The following POLA1 variants were observed in gnomAD, a reference collection of about 807,000 sequenced individuals.
POLA1 encodes the protein DNA polymerase alpha 1, catalytic subunit.
POLA1 carries 15 observed loss-of-function variants against 124.0 expected under a neutral mutation model. That is an observed-to-expected ratio of 0.12 (90% CI 0.08 to 0.19). The LOEUF (loss-of-function observed/expected upper bound fraction) is 0.19. Ranked by LOEUF, POLA1 falls within the 10% of genes least tolerant of loss-of-function variation. POLA1 has a pLI of 1.00. For missense variants in POLA1, 886 were observed against 1,103.4 expected (o/e 0.80, Z 2.79); for synonymous variants, 408 against 389.4 (o/e 1.05, Z -0.56).
At chrX:24,959,336 C>T (rs1057105933) in intron 36 of POLA1, among the ~76,000 whole-genome samples, 1 of 110,303 alleles carries the variant, frequency 9.1e-6, no homozygotes, top group African/African-American at 3.3e-5. Context: ...TGGTGGTACA[C>T]GCCTGTAATC....
At chrX:24,757,882 A>G (rs1358568068) in intron 26 of POLA1, among the ~76,000 whole-genome samples, 2 of 111,837 alleles carry the variant, frequency 1.8e-5, no homozygotes, top group East Asian at 2.8e-4. Flanking sequence ...TCTGGTTCCA[A>G]GCATTTCGGA....
chrX:24,729,961 C>T (rs979321990), intron 15 of POLA1, among the ~76,000 whole-genome samples: 2 of 110,103 alleles, frequency 1.8e-5, no homozygotes, highest in Non-Finnish European at 3.8e-5. Flanking sequence ...CGGGCCACTA[C>T]ACATGGTTAA....
chrX:24,761,577 A>G (rs1932795138), intron 26 of POLA1, among the ~76,000 whole-genome samples: 2 of 111,679 alleles, frequency 1.8e-5, no homozygotes, highest in Admixed American at 1.9e-4. Flanking sequence ...AGCCCTGACC[A>G]ACAGGGTAGG....
chrX:24,972,870 A>G (rs956923969), intron 36 of POLA1, among the ~76,000 whole-genome samples: 5 of 112,636 alleles, frequency 4.4e-5, no homozygotes, highest in Middle Eastern at 4.6e-3. Context: ...TTCATCCACA[A>G]TTAGCTTGCC....
chrX:24,969,412 T>C (rs920221621), intron 36 of POLA1, among the ~76,000 whole-genome samples: 6 of 110,059 alleles, frequency 5.5e-5, no homozygotes, highest in Non-Finnish European at 1.1e-4. Flanking sequence ...CCCCTAATGA[T>C]AGAATTTATC....
intron 26 of POLA1, among the ~76,000 whole-genome samples, chrX:24,792,112 A>G (rs954190855): frequency 1.8e-5 from 2 of 112,145 alleles, no homozygotes; most frequent in African/African-American, 6.5e-5. Context: ...CAGGAGAAAG[A>G]CTTTTTTTTA....
intron 6 of POLA1, among the ~76,000 whole-genome samples, chrX:24,715,650 A>G (rs1402171697): frequency 9.0e-6 from 1 of 111,604 alleles, no homozygotes; most frequent in East Asian, 2.8e-4. Flanking sequence ...CCACCAAAAA[A>G]CAAAGAAACC....
chrX:24,771,392 C>T (rs1021669386), intron 26 of POLA1, among the ~76,000 whole-genome samples: 16 of 111,762 alleles, frequency 1.4e-4, no homozygotes, highest in Admixed American at 4.8e-4. Context: ...AGACATTGCT[C>T]TTTGCCTGAA....
At chrX:24,863,235 G>A (rs750011878) in intron 34 of POLA1, among the ~76,000 whole-genome samples, 1 of 102,912 alleles carries the variant, frequency 9.7e-6, no homozygotes, top group African/African-American at 3.6e-5. Flanking sequence ...GCTATCTTTT[G>A]TCTTCATTGA....
chrX:24,994,095 C>T (rs985505569), intron 36 of POLA1, among the ~76,000 whole-genome samples: 1 of 112,479 alleles, frequency 8.9e-6, no homozygotes, highest in South Asian at 3.7e-4. Context: ...TTCACATGCA[C>T]GGGGTTGCTG....
At chrX:24,921,982 G>A (rs1046450344) in intron 35 of POLA1, among the ~76,000 whole-genome samples, 1 of 108,272 alleles carries the variant, frequency 9.2e-6, no homozygotes, top group African/African-American at 3.6e-5. Context: ...GGAACAAGTG[G>A]CTTTTTTTGG....
In POLA1 at chrX:24,743,243, A is replaced by G; in HGVS notation, c.2480A>G (p.Glu827Gly). The G allele has an allele frequency of 9.1e-7, 1 of 1,096,084 alleles. No homozygotes were observed. Among genetic ancestry groups the G allele is most frequent in the Non-Finnish European group, 1.3e-6 (1 of 797,401 alleles). The allele number at this position is 1,096,084 out of a possible 1,213,427, so 90.3% of individuals were successfully genotyped here. The change falls in exon 23 of 37, where the codon GAA (glutamate) becomes GGA (glycine). Residue 827 changes from glutamate to glycine, a missense_variant. By Grantham distance (98) the Glu-to-Gly change is moderately conservative. Transcript: ENST00000379068. ...KPQQKLGDED[E>G]EIDGDTNKYK... ...ATTTGATATTAGGGAGATGAAGATG[A>G]AGAAATTGATGGAGATACCAATAAA...
Position 24,995,933 on chromosome X carries a change from T to C in POLA1, c.4390T>C (p.Cys1464Arg), listed in dbSNP as rs771126540. ...GAATCTGAGCAAACTCTTCGCTGGT[T>C]GTGCCGTGAAATCCTAAGGGAATCC... The part of the protein sequence containing the change: ...EVNLSKLFAG[C>R]AVKS The change falls in exon 37 of 37, where the codon TGT becomes CGT. Residue 1464 changes from cysteine to arginine, a missense_variant. Cys to Arg is a radical substitution (Grantham distance 180). This residue lies in a region of POLA1 where 313 missense variants were observed against 359.7 expected (regional missense o/e 0.87). Transcript: ENST00000379068. 4 of 1,210,290 alleles carry C rather than the reference T, an allele frequency of 3.3e-6. No homozygotes were observed. The South Asian group carries it at 5.3e-5, about 16-fold the overall frequency.
intron 36 of POLA1, among the ~76,000 whole-genome samples, chrX:24,989,930 A>G (rs1400728281): frequency 9.0e-6 from 1 of 111,586 alleles, no homozygotes; most frequent in Non-Finnish European, 1.9e-5. Context: ...GTGGAGGATA[A>G]AATTTTGCTA....
At chrX:24,741,787 T>G (rs1323836598) in intron 21 of POLA1, among the ~76,000 whole-genome samples, 1 of 110,488 alleles carries the variant, frequency 9.1e-6, no homozygotes, top group Non-Finnish European at 1.9e-5. Context: ...AATAGCCAAG[T>G]TGTCAATATT....
In POLA1 at chrX:24,739,436, T is replaced by C; in HGVS notation, c.2102T>C (p.Ile701Thr). The C allele has an allele frequency of 8.3e-7, 1 of 1,199,057 alleles. No individual in the cohort carries two copies. ...GGTCGAATGATCTGTGATGTGGAAA[T>C]TTCAGCAAAGGAATTGATTCGTTGT... ...TCGRMICDVE[I>T]SAKELIRCKS... Residue 701 changes from isoleucine (I) to threonine (T), a missense_variant, in exon 20 of 37, where the codon ATT (isoleucine) becomes ACT (threonine). Physicochemically the swap from Ile to Thr is moderately conservative, Grantham distance 89. Coordinates refer to ENST00000379068, the MANE Select transcript of POLA1 (RefSeq NM_001330360.2).
rs5986702 is a variant in POLA1 at position 24,698,436 on chromosome X, A to G, written c.44-989A>G. 3.5e-3 allele frequency among the ~76,000 whole-genome samples: 393 copies of G among 111,705 alleles called. 5 individuals are homozygous for G. The highest frequency in any genetic ancestry group is 0.012 in the African/African-American group (356 of 30,806). On this transcript the variant is annotated intron_variant, in intron 1 of 36. Coordinates refer to ENST00000379068, the MANE Select transcript of POLA1 (RefSeq NM_001330360.2). Reference sequence around the variant, plus strand: ...AGGCCTTGAAATAAGTGATATACCAATAATCCCCTCAGAGCCATCTTTGTT... The same window carrying G: ...AGGCCTTGAAATAAGTGATATACCAGTAATCCCCTCAGAGCCATCTTTGTT...
At chrX:24,742,178 T>G in intron 22 of POLA1, 57 bp downstream of exon 22, 9 of 732,807 alleles carry the variant, frequency 1.2e-5, no homozygotes, top group East Asian at 5.5e-5. Flanking sequence ...CCCCTTTTAA[T>G]ACCTAGATAG....
At position 24,790,882 on chromosome X, in the gene POLA1, A is replaced by G. The variant is rs1052855690; in HGVS notation, c.2965-19016A>G. Among the ~76,000 whole-genome samples, 6 of 99,021 alleles carry G rather than the reference A, an allele frequency of 6.1e-5. No homozygotes were observed. In the East Asian group the frequency reaches 1.9e-3, roughly 31 times the overall value. 86.0% of individuals were successfully genotyped at this position (99,021 alleles called of 115,157 possible). On this transcript the variant is annotated intron_variant, in intron 26 of 36. Transcript: ENST00000379068. The stretch of plus-strand genomic sequence containing the variant: ...ATGTGCACTCATTTTACGTGTATAT[A>G]CAGCCCCCACTCATTTATTTATGTA...
Sources: allele counts gnomAD v4.1 joint callset (sites outside exome capture counted in the v4.1 genomes callset), GRCh38; gene constraint gnomAD v4.1.1; regional missense constraint gnomAD v4.1.1; transcripts MANE v1.5; gene names NCBI Gene and HGNC (gene_info 2026-07-23, HGNC 2026-07-21).